CFAP54: variants seen among roughly 807,000 people sequenced by gnomAD.
The protein encoded by CFAP54 is cilia- and flagella-associated protein 54.
In CFAP54, 290 loss-of-function variants were observed where a neutral mutation model predicts 370.4. That is an observed-to-expected ratio of 0.78 (90% CI 0.71 to 0.86). CFAP54 has a LOEUF of 0.86. Ranked by LOEUF, CFAP54 falls within the 40% of genes least tolerant of loss-of-function variation. The pLI, the probability that CFAP54 is intolerant of heterozygous loss-of-function variation, is 0.00. For missense variants in CFAP54, 3,399 were observed against 3,528.7 expected, an observed-to-expected ratio of 0.96 and a Z score of 0.93; for synonymous variants, 1,206 against 1,236.5, an observed-to-expected ratio of 0.98 and a Z score of 0.52.
chr12:96,596,795 A>G (rs1470353754), intron 25 of CFAP54, among the ~76,000 whole-genome samples: 1 of 152,156 alleles, frequency 6.6e-6, no homozygotes, highest in Non-Finnish European at 1.5e-5. Flanking sequence ...GAGGGCAAGT[A>G]TATATACATG....
At chr12:96,540,409 A>G (rs973476110) in intron 13 of CFAP54, among the ~76,000 whole-genome samples, 7 of 152,116 alleles carry the variant, frequency 4.6e-5, no homozygotes, top group Admixed American at 1.3e-4. Flanking sequence ...CATGAAAGAC[A>G]ATCTAAGTCA....
At chr12:96,743,684 G>A in intron 53 of CFAP54, 47 bp from the exon 54 acceptor site, 2 of 1,550,914 alleles carry the variant, frequency 1.3e-6, no homozygotes, top group Non-Finnish European at 1.8e-6. Context: ...TCTTGTTTCA[G>A]TGAATTGGAA....
In CFAP54 at chr12:96,554,949, T is replaced by TA. The variant is rs1365842270; in HGVS notation, c.2410+152dup. The TA allele has an allele frequency of 4.8e-6, 3 of 629,712 alleles. No individual in the cohort carries two copies. The East Asian group carries it at 9.7e-5, about 20-fold the overall frequency. The allele number at this position is 629,712 out of a possible 1,614,324, so 39.0% of individuals were successfully genotyped here. ...TTTCTACTTCCCTAATTAATATCAA[T>TA]AAAAACATAATTAAATCTTTCCTTA... On this transcript the variant is annotated intron_variant, in intron 17 of 67. Coordinates refer to ENST00000524981, the MANE Select transcript of CFAP54 (RefSeq NM_001306084.2).
chr12:96,618,465 G>T (rs945464280), intron 26 of CFAP54, among the ~76,000 whole-genome samples: 1 of 152,180 alleles, frequency 6.6e-6, no homozygotes, highest in Non-Finnish European at 1.5e-5. Context: ...GGAGGGAAGG[G>T]TGGTTGTAGT....
chr12:96,760,093 A>G (rs570213486), intron 58 of CFAP54, among the ~76,000 whole-genome samples: 1 of 152,306 alleles, frequency 6.6e-6, no homozygotes, highest in African/African-American at 2.4e-5. Flanking sequence ...CAATGTGACA[A>G]GGACTATAAT....
chr12:96,560,001 T>C (rs1352347307), intron 17 of CFAP54, among the ~76,000 whole-genome samples: 1 of 152,274 alleles, frequency 6.6e-6, no homozygotes, highest in East Asian at 1.9e-4. Context: ...TTTTAATTGG[T>C]ATATAATAAT....
chr12:96,569,012 A>G (rs1955887655), intron 19 of CFAP54, among the ~76,000 whole-genome samples: 1 of 151,850 alleles, frequency 6.6e-6, no homozygotes, highest in Non-Finnish European at 1.5e-5. Flanking sequence ...ATAGGATTAT[A>G]TTAAAGGATT....
intron 60 of CFAP54, among the ~76,000 whole-genome samples, chr12:96,778,861 A>C (rs926377552): frequency 1.3e-5 from 2 of 152,018 alleles, no homozygotes; most frequent in African/African-American, 4.8e-5. Flanking sequence ...TAATCCCAGC[A>C]CATTGGGAGT....
At chr12:96,553,809 A>T (rs1955723186) in intron 15 of CFAP54, among the ~76,000 whole-genome samples, 1 of 151,944 alleles carries the variant, frequency 6.6e-6, no homozygotes, top group Non-Finnish European at 1.5e-5. Flanking sequence ...AAATTGTTTT[A>T]AAAAATCTTT....
intron 67 of CFAP54, among the ~76,000 whole-genome samples, chr12:96,870,306 T>C (rs185720776): frequency 4.9e-4 from 75 of 152,048 alleles, no homozygotes; most frequent in African/African-American, 1.7e-3. Flanking sequence ...AAAGGAACTA[T>C]AAAAGTTACT....
intron 60 of CFAP54, among the ~76,000 whole-genome samples, chr12:96,772,627 T>A (rs756778143): frequency 2.0e-5 from 3 of 150,068 alleles, no homozygotes; most frequent in Non-Finnish European, 3.0e-5. Flanking sequence ...AGTTTTGCTC[T>A]TGTTGCCCAG....
Position 96,503,959 on chromosome 12 carries a change from A to C in CFAP54, c.497A>C (p.Lys166Thr). The stretch of plus-strand genomic sequence containing the variant: ...TTCAATACCAATTTTGATGAGAATA[A>C]AGTGGATGTAACTCAATTCAAAGCT... ...QQFNTNFDEN[K>T]VDVTQFKATF... The change falls in exon 3 of 68, where the codon AAA becomes ACA. Residue 166 changes from lysine to threonine, a missense_variant. By Grantham distance (78) the Lys-to-Thr change is moderately conservative (BLOSUM62 -1). This residue lies in a region of CFAP54 where 559 missense variants were observed against 576.7 expected (regional missense o/e 0.97). Coordinates refer to ENST00000524981, the MANE Select transcript of CFAP54 (RefSeq NM_001306084.2). 2.0e-6 allele frequency: 3 copies of C among 1,528,174 alleles called. No individual in the cohort carries two copies. The highest frequency in any genetic ancestry group is 2.6e-6 in the Non-Finnish European group (3 of 1,144,008). 94.7% of individuals were successfully genotyped at this position (1,528,174 alleles called of 1,614,324 possible).
chr12:96,730,439 A>C (rs1367516123), intron 50 of CFAP54, among the ~76,000 whole-genome samples: 1 of 152,222 alleles, frequency 6.6e-6, no homozygotes, highest in Non-Finnish European at 1.5e-5. Flanking sequence ...CAGCCCAAGA[A>C]ACAAACTGTT....
At chr12:96,813,690 C>T (rs949226386) in intron 64 of CFAP54, among the ~76,000 whole-genome samples, 1 of 152,204 alleles carries the variant, frequency 6.6e-6, no homozygotes, top group Non-Finnish European at 1.5e-5. Context: ...TGCCTTTAAA[C>T]CTACAGTCAT....
In CFAP54 at chr12:96,718,431, G is replaced by A. The variant is rs1957709939; in HGVS notation, c.6725-12G>A. 4.5e-6 allele frequency: 6 copies of A among 1,342,576 alleles called. No homozygotes were observed. Among genetic ancestry groups the A allele is most frequent in the Non-Finnish European group, 6.4e-6 (6 of 940,522 alleles). The allele number at this position is 1,342,576 out of a possible 1,614,324, so 83.2% of individuals were successfully genotyped here. ...ATATCCTTGGTCCTTCCAAAATTTT[G>A]TGTCTTTATAGAGATATATTCAAAG... On this transcript the variant is annotated splice_polypyrimidine_tract_variant and intron_variant, in intron 48 of 67. Transcript: ENST00000524981.
At chr12:96,613,589 T>C (rs1487623772) in intron 26 of CFAP54, among the ~76,000 whole-genome samples, 1 of 152,120 alleles carries the variant, frequency 6.6e-6, no homozygotes, top group Non-Finnish European at 1.5e-5. Context: ...AGCTGGTTTT[T>C]TGAAAAGACC....
At chr12:96,860,781 A>G (rs1490345253) in intron 66 of CFAP54, 38 bp from the exon 67 acceptor site, 4 of 1,490,714 alleles carry the variant, frequency 2.7e-6, no homozygotes, top group Admixed American at 2.4e-5. Flanking sequence ...ACAGTTTGAA[A>G]CAATGCATTT....
At chr12:96,614,983 C>T (rs1373284162) in intron 26 of CFAP54, among the ~76,000 whole-genome samples, 1 of 152,172 alleles carries the variant, frequency 6.6e-6, no homozygotes, top group African/African-American at 2.4e-5. Flanking sequence ...CTACCAATGA[C>T]TTTCTTCACA....
intron 50 of CFAP54, among the ~76,000 whole-genome samples, chr12:96,726,934 C>T (rs1329488119): frequency 1.3e-5 from 2 of 152,116 alleles, no homozygotes; most frequent in Non-Finnish European, 2.9e-5. Flanking sequence ...TCGTTATGTA[C>T]CCAGTAGTCA....
Sources: gnomAD v4.1 joint callset for allele counts (sites outside exome capture counted in the v4.1 genomes callset) on GRCh38, gnomAD v4.1.1 for gene constraint, gnomAD v4.1.1 regional missense constraint, MANE v1.5 for transcripts, NCBI Gene and HGNC (gene_info 2026-07-23, HGNC 2026-07-21) for gene names.